IMMP2L: variants seen among roughly 807,000 people sequenced by gnomAD.
The protein encoded by IMMP2L is mitochondrial inner membrane protease subunit 2.
Under a neutral mutation model 19.3 loss-of-function variants are expected in IMMP2L, and 18 were observed. The ratio of observed to expected loss-of-function variants is 0.93; its 90% CI spans 0.64 to 1.38. IMMP2L has a LOEUF of 1.38. IMMP2L is among the 40% of genes most tolerant of loss of function. IMMP2L has a pLI of 0.00. For missense variants in IMMP2L, 233 were observed against 218.2 expected (o/e 1.07, Z -0.43); for synonymous variants, 76 against 73.0 (o/e 1.04, Z -0.21).
intron 3 of IMMP2L, among the ~76,000 whole-genome samples, chr7:111,292,058 C>T (rs572365268): frequency 2.0e-3 from 297 of 152,242 alleles, no homozygotes; most frequent in Non-Finnish European, 1.3e-3. Flanking sequence ...CATATAATAT[C>T]TCTTCACACA....
At chr7:111,400,974 G>T (rs1833373663) in intron 3 of IMMP2L, among the ~76,000 whole-genome samples, 1 of 152,004 alleles carries the variant, frequency 6.6e-6, no homozygotes, top group Non-Finnish European at 1.5e-5. Flanking sequence ...GTGAGGAAAG[G>T]TTTATTTTGT....
intron 4 of IMMP2L, among the ~76,000 whole-genome samples, chr7:110,892,399 T>C (rs1368610727): frequency 6.6e-6 from 1 of 152,010 alleles, no homozygotes; most frequent in Non-Finnish European, 1.5e-5. Flanking sequence ...CACTTCCCCA[T>C]CTCCCTTCCC....
At chr7:111,359,353 G>A (rs1207036403) in intron 3 of IMMP2L, among the ~76,000 whole-genome samples, 1 of 152,060 alleles carries the variant, frequency 6.6e-6, no homozygotes, top group African/African-American at 2.4e-5. Flanking sequence ...CCAGGCTGGA[G>A]TGCAGTGGCA....
intron 3 of IMMP2L, among the ~76,000 whole-genome samples, chr7:111,358,507 T>C (rs987436969): frequency 6.6e-6 from 1 of 152,014 alleles, no homozygotes; most frequent in Non-Finnish European, 1.5e-5. Context: ...GTTACCATAA[T>C]GCCTAAGCTC....
At chr7:111,053,126 G>T (rs1793151624) in intron 3 of IMMP2L, among the ~76,000 whole-genome samples, 1 of 152,222 alleles carries the variant, frequency 6.6e-6, no homozygotes, top group African/African-American at 2.4e-5. Flanking sequence ...TTATTAAAAA[G>T]CTTTAGAGCA....
intron 3 of IMMP2L, among the ~76,000 whole-genome samples, chr7:111,325,902 T>C (rs959764337): frequency 1.2e-4 from 18 of 151,758 alleles, no homozygotes; most frequent in Non-Finnish European, 8.8e-5. Context: ...CATGAAATTT[T>C]ACTGTAGTAA....
intron 5 of IMMP2L, among the ~76,000 whole-genome samples, chr7:110,755,839 T>A (rs1798007723): frequency 6.6e-6 from 1 of 151,976 alleles, no homozygotes; most frequent in Non-Finnish European, 1.5e-5. Context: ...TGCAAAAGAT[T>A]TGGTTGAATA....
intron 3 of IMMP2L, among the ~76,000 whole-genome samples, chr7:111,156,070 AATTTT>A (rs144395371): frequency 0.015 from 2,317 of 152,122 alleles, 69 homozygotes; most frequent in African/African-American, 0.054. Context: ...TATAGAATTT[AATTTT>A]ATATCTACAA....
At chr7:111,341,300 T>C (rs1826984764) in intron 3 of IMMP2L, among the ~76,000 whole-genome samples, 2 of 152,050 alleles carry the variant, frequency 1.3e-5, no homozygotes, top group Non-Finnish European at 2.9e-5. Context: ...TAACAAATAT[T>C]TACTATGAGC....
At chr7:111,129,063 A>T (rs1047412387) in intron 3 of IMMP2L, among the ~76,000 whole-genome samples, 4 of 152,170 alleles carry the variant, frequency 2.6e-5, no homozygotes, top group Admixed American at 2.6e-4. Context: ...AATTTCAGAG[A>T]TTAACATTTT....
chr7:110,674,361 T>C (rs980450448), intron 5 of IMMP2L, among the ~76,000 whole-genome samples: 12 of 152,130 alleles, frequency 7.9e-5, no homozygotes, highest in African/African-American at 2.7e-4. Flanking sequence ...CAAGATATGA[T>C]TTGGGTGGGG....
chr7:110,932,259 G>A (rs1403951772), intron 4 of IMMP2L, among the ~76,000 whole-genome samples: 3 of 152,244 alleles, frequency 2.0e-5, no homozygotes, highest in South Asian at 2.1e-4. Flanking sequence ...TTTCTAGATC[G>A]AATGAATCCC....
chr7:110,737,355 G>A (rs1796705536), intron 5 of IMMP2L, among the ~76,000 whole-genome samples: 1 of 152,228 alleles, frequency 6.6e-6, no homozygotes, highest in Non-Finnish European at 1.5e-5. Context: ...AATGAGACCA[G>A]CCTTTAGGAC....
intron 3 of IMMP2L, among the ~76,000 whole-genome samples, chr7:111,020,411 G>A (rs1436465954): frequency 1.2e-4 from 18 of 151,900 alleles, no homozygotes; most frequent in Non-Finnish European, 1.5e-5. Flanking sequence ...AAAAAACCAA[G>A]ATGCAAATTC....
intron 3 of IMMP2L, among the ~76,000 whole-genome samples, chr7:111,080,045 A>T (rs2129576320): frequency 6.6e-6 from 1 of 152,178 alleles, no homozygotes; most frequent in African/African-American, 2.4e-5. Flanking sequence ...TTCTTTATAA[A>T]TTACCCAGTC....
chr7:110,836,824 A>C (rs1207355771), intron 5 of IMMP2L, among the ~76,000 whole-genome samples: 3 of 152,138 alleles, frequency 2.0e-5, no homozygotes, highest in Non-Finnish European at 4.4e-5. Context: ...ATTTTTGCCA[A>C]TTGAATTGGA....
chr7:111,526,253 T>A (rs1846840243), intron 1 of IMMP2L, among the ~76,000 whole-genome samples: 1 of 152,136 alleles, frequency 6.6e-6, no homozygotes, highest in Admixed American at 6.5e-5. Flanking sequence ...CACTAAACAA[T>A]ACCTTACATT....
chr7:111,526,750 CTTTTA>C lies in IMMP2L; in HGVS notation c.-2-5306_-2-5302del, dbSNP rs369449549. On this transcript the variant is annotated intron_variant, in intron 1 of 5. Transcript: ENST00000405709. ...GGAAAGTTCTGTCAAATATTCGCTA[CTTTTA>C]TTTTAAGAGGCACAGAATGGAAACA... Among the ~76,000 whole-genome samples, 84 of 152,238 alleles carry C rather than the reference CTTTTA, an allele frequency of 5.5e-4. 2 individuals carry two copies. Among genetic ancestry groups the C allele is most frequent in the African/African-American group, 1.8e-3 (74 of 41,546 alleles).
intron 3 of IMMP2L, among the ~76,000 whole-genome samples, chr7:111,011,959 C>T (rs1000024307): frequency 1.6e-4 from 25 of 152,072 alleles, no homozygotes; most frequent in African/African-American, 5.8e-4. Flanking sequence ...CAGCATATTA[C>T]TGGAGCCCAC....
Sources: gnomAD v4.1 joint callset for allele counts (sites outside exome capture counted in the v4.1 genomes callset) on GRCh38, gnomAD v4.1.1 for gene constraint, MANE v1.5 for transcripts, NCBI Gene and HGNC (gene_info 2026-07-23, HGNC 2026-07-21) for gene names.